The following OR7E24 variants were observed in gnomAD, a reference collection of about 807,000 sequenced individuals.
OR7E24 encodes olfactory receptor 7E24.
For synonymous variants in OR7E24, 130 were observed against 157.5 expected, an observed-to-expected ratio of 0.83 and a Z score of 1.31; for missense variants, 385 against 410.3, an observed-to-expected ratio of 0.94 and a Z score of 0.53.
At chr19:9,215,385 C>T in the OR7E24 span, among the ~76,000 whole-genome samples, 9 of 149,220 alleles carry the variant, frequency 6.0e-5, no homozygotes, top group African/African-American at 2.0e-4. Context: ...TTCATTTACT[C>T]ACCAGTTTTA....
chr19:9,241,980 A>G, the OR7E24 span, among the ~76,000 whole-genome samples: 1 of 151,836 alleles, frequency 6.6e-6, no homozygotes, highest in South Asian at 2.1e-4. Flanking sequence ...TCTTTGGTCC[A>G]TTTTCTTAGA....
upstream of OR7E24, among the ~76,000 whole-genome samples, chr19:9,242,829 C>T (rs895516976): frequency 1.3e-5 from 2 of 152,014 alleles, no homozygotes; most frequent in Non-Finnish European, 2.9e-5. Flanking sequence ...TCCCTCCCTC[C>T]TTTTTTACTT....
the OR7E24 span, among the ~76,000 whole-genome samples, chr19:9,233,631 A>C: frequency 6.6e-6 from 1 of 152,230 alleles, no homozygotes; most frequent in Admixed American, 6.5e-5. Context: ...CAAAGAGGTA[A>C]CAGTTCTATT....
upstream of OR7E24, among the ~76,000 whole-genome samples, chr19:9,244,114 C>T (rs919518291): frequency 1.3e-5 from 2 of 152,234 alleles, no homozygotes; most frequent in African/African-American, 2.4e-5. Flanking sequence ...TTTATTTGAT[C>T]AGGAGTACTA....
At chr19:9,230,953 C>T in the OR7E24 span, among the ~76,000 whole-genome samples, 2 of 152,030 alleles carry the variant, frequency 1.3e-5, no homozygotes, top group South Asian at 2.1e-4. Context: ...GCTCTGTGGC[C>T]CAGGCTAGAG....
chr19:9,248,455 T>C (rs1290189412), upstream of OR7E24, among the ~76,000 whole-genome samples: 1 of 152,160 alleles, frequency 6.6e-6, no homozygotes, highest in Admixed American at 6.5e-5. Context: ...TCCAGACACA[T>C]AGCATTTGGC....
chr19:9,242,325 C>T, the OR7E24 span, among the ~76,000 whole-genome samples: 553 of 152,322 alleles, frequency 3.6e-3, 6 homozygotes, highest in African/African-American at 0.012. Context: ...TCTCAGCCCA[C>T]GGCAACCACC....
At chr19:9,242,340 G>A in the OR7E24 span, among the ~76,000 whole-genome samples, 26 of 152,186 alleles carry the variant, frequency 1.7e-4, no homozygotes, top group African/African-American at 5.5e-4. Context: ...ACCACCTCCC[G>A]GGTTCAAGCA....
At chr19:9,211,346 A>C in the OR7E24 span, 1 of 152,264 alleles carries the variant, frequency 6.6e-6, no homozygotes, top group Non-Finnish European at 1.5e-5. Flanking sequence ...GAAATGCTTA[A>C]GCAATATATA....
chr19:9,235,697 T>A, the OR7E24 span: 1 of 1,604,318 alleles, frequency 6.2e-7, no homozygotes, highest in Non-Finnish European at 8.5e-7. Context: ...GCTCAGGTCC[T>A]CAAGGTGGCC....
chr19:9,215,514 T>C, the OR7E24 span, among the ~76,000 whole-genome samples: 2 of 152,188 alleles, frequency 1.3e-5, no homozygotes, highest in African/African-American at 4.8e-5. Context: ...TTCATTCTAA[T>C]AGATGTACAA....
At chr19:9,230,977 T>A in the OR7E24 span, among the ~76,000 whole-genome samples, 1 of 152,164 alleles carries the variant, frequency 6.6e-6, no homozygotes, top group Non-Finnish European at 1.5e-5. Context: ...AATGACATGA[T>A]CTCGCCTCAC....
chr19:9,245,829 A>C (rs914700129), upstream of OR7E24, among the ~76,000 whole-genome samples: 1 of 152,118 alleles, frequency 6.6e-6, no homozygotes, highest in Non-Finnish European at 1.5e-5. Flanking sequence ...CCAGTCGTGA[A>C]GGGCCCTCGT....
upstream of OR7E24, among the ~76,000 whole-genome samples, chr19:9,250,268 A>G (rs894381927): frequency 1.3e-5 from 2 of 151,900 alleles, no homozygotes; most frequent in African/African-American, 4.8e-5. Context: ...CTAATTTTTT[A>G]GTTTTTTGTA....
At chr19:9,225,525 T>C in the OR7E24 span, among the ~76,000 whole-genome samples, 1 of 150,812 alleles carries the variant, frequency 6.6e-6, no homozygotes, top group Non-Finnish European at 1.5e-5. Context: ...GAGAGGGGAA[T>C]TGAGGATGGT....
At chr19:9,225,672 A>T in the OR7E24 span, among the ~76,000 whole-genome samples, 1 of 152,156 alleles carries the variant, frequency 6.6e-6, no homozygotes, top group Non-Finnish European at 1.5e-5. Flanking sequence ...AACGACACAA[A>T]GGAAACCATG....
the OR7E24 span, chr19:9,235,952 G>A: frequency 3.1e-6 from 5 of 1,611,086 alleles, no homozygotes; most frequent in Non-Finnish European, 4.2e-6. Context: ...TCTTCCCAGA[G>A]CAGCTCCATG....
At chr19:9,224,918 A>G in the OR7E24 span, among the ~76,000 whole-genome samples, 1 of 152,194 alleles carries the variant, frequency 6.6e-6, no homozygotes, top group Non-Finnish European at 1.5e-5. Flanking sequence ...TGGGTGATCC[A>G]TTTAAACACT....
the OR7E24 span, among the ~76,000 whole-genome samples, chr19:9,217,364 T>A: frequency 2.6e-5 from 4 of 152,044 alleles, no homozygotes; most frequent in Admixed American, 6.6e-5. Context: ...TGAAAAAAAA[T>A]TTGCATTTTT....
Sources: allele counts gnomAD v4.1 joint callset (sites outside exome capture counted in the v4.1 genomes callset), GRCh38; gene constraint gnomAD v4.1.1; transcripts MANE v1.5; gene names NCBI Gene and HGNC (gene_info 2026-07-23, HGNC 2026-07-21).